MVP: variants seen among roughly 807,000 people sequenced by gnomAD.
The protein encoded by MVP is lung resistance-related protein.
MVP carries 62 observed loss-of-function variants against 83.5 expected under a neutral mutation model. The ratio of observed to expected loss-of-function variants is 0.74; its 90% CI spans 0.61 to 0.92. MVP has a LOEUF of 0.92. Ranked by LOEUF, MVP falls within the 40% of genes least tolerant of loss-of-function variation. The pLI is 0.00. For synonymous variants in MVP, 505 were observed against 504.1 expected, an observed-to-expected ratio of 1.00 and a Z score of -0.02; for missense variants, 1,000 against 1,203.4, an observed-to-expected ratio of 0.83 and a Z score of 2.50.
At chr16:29,835,870 T>A in intron 6 of MVP, 72 bp downstream of exon 6, 1 of 1,235,692 alleles carries the variant, frequency 8.1e-7, no homozygotes, top group Non-Finnish European at 1.2e-6. Flanking sequence ...AGAATGGTGG[T>A]AGAATGGCAT....
In MVP at chr16:29,841,755, C is replaced by G. The variant is rs1372213366; in HGVS notation, c.1351C>G (p.Pro451Ala). ...AGCTAAGAGCCTCCAGCCCTTGGCG[C>G]CCCGGAACAAGACCCGTGTGGTCAG... ...DTAKSLQPLA[P>A]RNKTRVVSYR... is the part of the protein sequence containing the mutation. The change falls in exon 9 of 15, where the codon CCC (proline) becomes GCC (alanine). Residue 451 changes from proline to alanine, a missense_variant. By Grantham distance (27) the Pro-to-Ala change is conservative. Transcript: ENST00000357402. The surrounding 1 kb of genome is among the most constrained non-coding windows in gnomAD (Gnocchi z 4.7). 6 of 1,613,400 alleles carry G rather than the reference C, an allele frequency of 3.7e-6. No homozygotes were observed. The highest frequency in any genetic ancestry group is 5.1e-6 in the Non-Finnish European group (6 of 1,179,892).
intron 1 of MVP, among the ~76,000 whole-genome samples, chr16:29,821,949 G>A (rs1014054862): frequency 4.6e-5 from 7 of 152,178 alleles, no homozygotes; most frequent in African/African-American, 1.2e-4. Flanking sequence ...CCTAGGGCTG[G>A]ATGCGGTGGC....
chr16:29,835,211 G>A (rs1324102124), intron 5 of MVP: 1 of 153,146 alleles, frequency 6.5e-6, no homozygotes, highest in Non-Finnish European at 1.5e-5. Context: ...GCTTAGAGAA[G>A]GCAGAACAGG....
chr16:29,824,418 C>CTACTCACTG (rs773541628), intron 1 of MVP, among the ~76,000 whole-genome samples: 10 of 151,978 alleles, frequency 6.6e-5, no homozygotes, highest in Non-Finnish European at 5.9e-5. Context: ...TGGTACCACT[C>CTACTCACTG]TACTCACTGC....
At chr16:29,825,079 T>C (rs1452159042) in intron 1 of MVP, among the ~76,000 whole-genome samples, 1 of 152,138 alleles carries the variant, frequency 6.6e-6, no homozygotes, top group Non-Finnish European at 1.5e-5. Flanking sequence ...GAACCTGGTT[T>C]CTGCTTTGGA....
intron 13 of MVP, 152 bp from the exon 14 acceptor site, chr16:29,847,045 C>G: frequency 1.2e-6 from 1 of 802,206 alleles, no homozygotes; most frequent in Non-Finnish European, 2.0e-6. Flanking sequence ...TTTTAATTGA[C>G]TGGGTGTGGT....
chr16:29,838,555 C>T (rs1011871008), intron 7 of MVP, among the ~76,000 whole-genome samples: 1 of 152,008 alleles, frequency 6.6e-6, no homozygotes, highest in Non-Finnish European at 1.5e-5. Context: ...AGGCCAGGCG[C>T]AACAGCTCAT....
chr16:29,832,743 G>A (rs1317426827), intron 3 of MVP, among the ~76,000 whole-genome samples: 2 of 151,662 alleles, frequency 1.3e-5, no homozygotes, highest in East Asian at 3.9e-4. Context: ...GCAGGTGTGA[G>A]CCACCAAGCC....
At chr16:29,845,065 G>A (rs1220276636) in intron 11 of MVP, among the ~76,000 whole-genome samples, 186 bp downstream of exon 11, 8 of 152,024 alleles carry the variant, frequency 5.3e-5, no homozygotes, top group African/African-American at 1.7e-4. Flanking sequence ...GCTCATGCCC[G>A]TAATCCCAGC....
At chr16:29,833,468 CTTT>C (rs34663728) in intron 3 of MVP, 1,866 of 128,240 alleles carry the variant, frequency 0.015, 1 homozygote, top group South Asian at 0.03. Flanking sequence ...CCTGGCTACA[CTTT>C]TTTTTTTTTT....
chr16:29,834,584 C>A (rs2067470059), intron 5 of MVP: 1 of 168,076 alleles, frequency 5.9e-6, no homozygotes. Context: ...GGGAGAATTT[C>A]TTGAGCCCAG....
chr16:29,821,598 T>G (rs1394665038), intron 1 of MVP, among the ~76,000 whole-genome samples: 1 of 152,190 alleles, frequency 6.6e-6, no homozygotes, highest in East Asian at 1.9e-4. Context: ...CTCTAGTTCT[T>G]GTTCTCGGCT....
chr16:29,824,071 C>G (rs974166924), intron 1 of MVP, among the ~76,000 whole-genome samples: 1 of 151,658 alleles, frequency 6.6e-6, no homozygotes, highest in Non-Finnish European at 1.5e-5. Flanking sequence ...ACAAAATTAT[C>G]TGGGTGTGGT....
Position 29,840,341 on chromosome 16 carries a change from T to C in MVP, c.1073T>C (p.Leu358Pro). Residue 358 changes from leucine (L) to proline (P), a missense_variant, in exon 8 of 15, where the codon CTC becomes CCC. Physicochemically the swap from Leu to Pro is moderately conservative, Grantham distance 98 (BLOSUM62 -3). Coordinates refer to ENST00000357402, the MANE Select transcript of MVP (RefSeq NM_005115.5). Reference sequence around the variant, plus strand: ...TCACACCAGGCTGGGGACCACTGGCTCATCCGCGGACCCCTGGAGTATGTG... The same window carrying C: ...TCACACCAGGCTGGGGACCACTGGCCCATCCGCGGACCCCTGGAGTATGTG... ...KVSHQAGDHWLIRGPLEYVPS... is the reference protein window; with the variant it reads ...KVSHQAGDHWPIRGPLEYVPS... The C allele has an allele frequency of 6.2e-7, 1 of 1,610,054 alleles. No individual in the cohort carries two copies. Among genetic ancestry groups the C allele is most frequent in the Non-Finnish European group, 8.5e-7 (1 of 1,178,502 alleles).
At chr16:29,827,721 C>G (rs2067414242) in intron 1 of MVP, among the ~76,000 whole-genome samples, 1 of 152,028 alleles carries the variant, frequency 6.6e-6, no homozygotes, top group Non-Finnish European at 1.5e-5. Flanking sequence ...CGAGACCAGC[C>G]TAGGCAACAT....
Position 29,844,747 on chromosome 16 carries a change from A to C in MVP, c.1889A>C (p.Gln630Pro). 1 of 1,612,608 alleles carries C rather than the reference A, an allele frequency of 6.2e-7. No homozygotes were observed. Among genetic ancestry groups the C allele is most frequent in the Non-Finnish European group, 8.5e-7 (1 of 1,179,976 alleles). Residue 630 changes from glutamine (Q) to proline (P), a missense_variant, in exon 11 of 15, where the codon CAA (glutamine) becomes CCA (proline). Coordinates refer to ENST00000357402, the MANE Select transcript of MVP (RefSeq NM_005115.5). ...CCCCGGGACCAGGCTGTCTTCCCCC[A>C]AAACGGGCTGGTGGTCAGCAGTGTG... ...PRPRDQAVFP[Q>P]NGLVVSSVDV...
rs1007696279 is a variant in MVP at position 29,833,874 on chromosome 16, AG to A, written c.445+21del. The A allele has an allele frequency of 1.5e-5, 25 of 1,613,956 alleles. No homozygotes were observed. Among genetic ancestry groups the A allele is most frequent in the African/African-American group, 5.3e-5 (4 of 74,888 alleles). ...GGGACCTGGTAAGTTCTGTCTCCAT[AG>A]GGCTCCCTGCCTTCCTGTCATAGCC... On this transcript the variant is annotated intron_variant, in intron 4 of 14. Coordinates refer to ENST00000357402, the MANE Select transcript of MVP (RefSeq NM_005115.5).
intron 3 of MVP, chr16:29,831,777 C>T (rs1297283161): frequency 4.4e-6 from 2 of 454,230 alleles, no homozygotes; most frequent in Non-Finnish European, 8.8e-6. Flanking sequence ...AGGCCCCAGG[C>T]TGTGCCTGTT....
intron 1 of MVP, chr16:29,829,902 G>T (rs2067428949): frequency 6.6e-6 from 1 of 152,656 alleles, no homozygotes; most frequent in Non-Finnish European, 1.5e-5. Flanking sequence ...TAGGAAAGAG[G>T]CAGGGAACAT....
Sources: allele counts gnomAD v4.1 joint callset (sites outside exome capture counted in the v4.1 genomes callset), GRCh38; gene constraint gnomAD v4.1.1; non-coding constraint Gnocchi (gnomAD v3.1); transcripts MANE v1.5; gene names NCBI Gene and HGNC (gene_info 2026-07-23, HGNC 2026-07-21).